CAPZB: variants seen among roughly 807,000 people sequenced by gnomAD.
CAPZB encodes the protein F-actin-capping protein subunit beta.
A neutral mutation model predicts 38.1 loss-of-function variants in CAPZB; 2 were observed. That is an observed-to-expected ratio of 0.05 (90% CI 0.02 to 0.17). The LOEUF is 0.17. Among genes scored for constraint, CAPZB ranks in the 10% least tolerant of loss-of-function variants. The pLI is 1.00. For synonymous variants in CAPZB, 107 were observed against 127.4 expected (o/e 0.84, Z 1.08); for missense variants, 161 against 334.2 (o/e 0.48, Z 4.04).
At position 19,407,875 on chromosome 1, in the gene CAPZB, G is replaced by A. The variant is rs188490618; in HGVS notation, c.93+11786C>T. Among the ~76,000 whole-genome samples the A allele has an allele frequency of 2.7e-4, 41 of 152,282 alleles. No homozygotes were observed. In the East Asian group the frequency reaches 5.2e-3, roughly 19 times the overall value. ...GAGGGGGAGAGACCCTCACCAGGGCGGACTGTGCAGCTGGTGTCAGATGAC... is the reference window on the plus strand; with the variant it reads ...GAGGGGGAGAGACCCTCACCAGGGCAGACTGTGCAGCTGGTGTCAGATGAC... On this transcript the variant is annotated intron_variant, in intron 2 of 8. Coordinates refer to ENST00000264202, the MANE Select transcript of CAPZB (RefSeq NM_004930.5).
chr1:19,416,543 T>C (rs891193400), intron 2 of CAPZB, among the ~76,000 whole-genome samples: 1 of 152,032 alleles, frequency 6.6e-6, no homozygotes, highest in Non-Finnish European at 1.5e-5. Context: ...ATTCAACACG[T>C]CAGCTGTCCA....
intron 6 of CAPZB, among the ~76,000 whole-genome samples, chr1:19,350,949 T>TA (rs916702788): frequency 6.9e-4 from 97 of 141,604 alleles, no homozygotes; most frequent in African/African-American, 2.3e-3. Context: ...AAACTGTGTG[T>TA]AAAACAGTTT....
chr1:19,436,040 A>G (rs2094457187), intron 1 of CAPZB, among the ~76,000 whole-genome samples: 1 of 152,176 alleles, frequency 6.6e-6, no homozygotes, highest in Non-Finnish European at 1.5e-5. Flanking sequence ...AACTCTTCTG[A>G]GCCTCGAGTT....
At chr1:19,374,837 G>C (rs1415581391) in intron 4 of CAPZB, among the ~76,000 whole-genome samples, 1 of 152,236 alleles carries the variant, frequency 6.6e-6, no homozygotes, top group Non-Finnish European at 1.5e-5. Context: ...ATAGGTGGGA[G>C]AGCTGTGGCC....
chr1:19,340,420 G>A (rs1393656519), intron 8 of CAPZB, among the ~76,000 whole-genome samples: 6 of 152,244 alleles, frequency 3.9e-5, no homozygotes, highest in Non-Finnish European at 8.8e-5. Context: ...ACGTATGTGT[G>A]GGGACGCTCA....
intron 1 of CAPZB, among the ~76,000 whole-genome samples, chr1:19,431,374 G>A (rs1285597216): frequency 1.3e-5 from 2 of 152,218 alleles, no homozygotes; most frequent in African/African-American, 2.4e-5. Flanking sequence ...TAAGAAACCT[G>A]TAGTTTAATC....
chr1:19,355,495 A>G (rs78613821), intron 6 of CAPZB, among the ~76,000 whole-genome samples: 4 of 82,464 alleles, frequency 4.9e-5, no homozygotes, highest in African/African-American at 1.3e-4. Context: ...ACTCCGTCTC[A>G]AAAAAAAAAA....
intron 1 of CAPZB, among the ~76,000 whole-genome samples, chr1:19,454,223 G>A (rs750415122): frequency 5.9e-5 from 9 of 152,306 alleles, no homozygotes; most frequent in Non-Finnish European, 1.2e-4. Context: ...CATGAGTAGC[G>A]CCATCCCTGC....
intron 1 of CAPZB, among the ~76,000 whole-genome samples, chr1:19,479,623 C>T (rs2094620421): frequency 6.6e-6 from 1 of 152,200 alleles, no homozygotes; most frequent in East Asian, 1.9e-4. Flanking sequence ...TCCACACCCA[C>T]AGCTGCACAG....
intron 2 of CAPZB, among the ~76,000 whole-genome samples, chr1:19,389,995 G>A (rs772087578): frequency 2.0e-5 from 3 of 152,194 alleles, no homozygotes; most frequent in African/African-American, 7.2e-5. Context: ...GGCCAAGACA[G>A]GCCCTCCAGC....
intron 6 of CAPZB, among the ~76,000 whole-genome samples, chr1:19,353,415 G>A (rs551955635): frequency 1.3e-5 from 2 of 150,282 alleles, no homozygotes; most frequent in African/African-American, 4.9e-5. Flanking sequence ...TCACATCTTG[G>A]TCGTCCAGCC....
At chr1:19,362,784 G>A (rs1390586978) in intron 4 of CAPZB, among the ~76,000 whole-genome samples, 1 of 152,176 alleles carries the variant, frequency 6.6e-6, no homozygotes, top group Non-Finnish European at 1.5e-5. Context: ...CAGTCAAGAG[G>A]CTGAATGACA....
intron 1 of CAPZB, among the ~76,000 whole-genome samples, chr1:19,453,330 C>T (rs557084800): frequency 5.1e-4 from 77 of 152,200 alleles, no homozygotes; most frequent in African/African-American, 1.8e-3. Context: ...GGCACAATCT[C>T]GGCTCACTGC....
chr1:19,355,481 C>T (rs919879940), intron 6 of CAPZB, among the ~76,000 whole-genome samples: 1 of 144,612 alleles, frequency 6.9e-6, no homozygotes, highest in African/African-American at 2.6e-5. Flanking sequence ...GGTGACAGAG[C>T]GAGACTCCGT....
chr1:19,435,179 T>C (rs2094454439), intron 1 of CAPZB, among the ~76,000 whole-genome samples: 1 of 152,158 alleles, frequency 6.6e-6, no homozygotes, highest in African/African-American at 2.4e-5. Context: ...TGATCTTTAC[T>C]AGTGGAAACA....
At position 19,447,919 on chromosome 1, in the gene CAPZB, T is replaced by C. The variant is rs552835507; in HGVS notation, c.4-28169A>G. On this transcript the variant is annotated intron_variant, in intron 1 of 8. Coordinates refer to ENST00000264202, the MANE Select transcript of CAPZB (RefSeq NM_004930.5). ...TTTAAGAATTAGAACAGGCTCAATG[T>C]TGCTCTCTAATCACACCCTCACTCC... Among the ~76,000 whole-genome samples the C allele has an allele frequency of 6.6e-5, 10 of 152,328 alleles. No individual in the cohort carries two copies. In the South Asian group the frequency reaches 1.7e-3, roughly 25 times the overall value.
At chr1:19,403,169 T>A (rs2094312361) in intron 2 of CAPZB, among the ~76,000 whole-genome samples, 1 of 152,230 alleles carries the variant, frequency 6.6e-6, no homozygotes, top group Non-Finnish European at 1.5e-5. Flanking sequence ...ACCCTGGTGC[T>A]TCAGCTTAGG....
At chr1:19,470,519 G>T (rs1186143541) in intron 1 of CAPZB, among the ~76,000 whole-genome samples, 1 of 152,186 alleles carries the variant, frequency 6.6e-6, no homozygotes, top group Non-Finnish European at 1.5e-5. Flanking sequence ...GTTCAAAGAT[G>T]AGCTTTGAAA....
chr1:19,485,374 G>C (rs994896770), intron 1 of CAPZB, 62 bp downstream of exon 1: 1 of 1,127,738 alleles, frequency 8.9e-7, no homozygotes, highest in Non-Finnish European at 1.1e-6. Flanking sequence ...GATGGGCAGG[G>C]GGAGGGGGAC....
Sources: allele counts gnomAD v4.1 joint callset (sites outside exome capture counted in the v4.1 genomes callset), GRCh38; gene constraint gnomAD v4.1.1; transcripts MANE v1.5; gene names NCBI Gene and HGNC (gene_info 2026-07-23, HGNC 2026-07-21).